The following GLB1L3 variants were observed in gnomAD, a reference collection of about 807,000 sequenced individuals.
GLB1L3 encodes beta-galactosidase-1-like protein 3.
In GLB1L3, 89 loss-of-function variants were observed where a neutral mutation model predicts 89.5. The ratio of observed to expected loss-of-function variants is 0.99; its 90% CI spans 0.84 to 1.19. The LOEUF is 1.19. Among genes scored for constraint, GLB1L3 ranks in the 50% most tolerant of loss-of-function variants. GLB1L3 has a pLI of 0.00. For missense variants in GLB1L3, 812 were observed against 813.3 expected, an observed-to-expected ratio of 1.00 and a Z score of 0.02; for synonymous variants, 314 against 312.3, an observed-to-expected ratio of 1.01 and a Z score of -0.06.
chr11:134,281,306 T>TG, intron 3 of GLB1L3, 71 bp from the exon 4 acceptor site: 1 of 1,581,058 alleles, frequency 6.3e-7, no homozygotes, highest in Middle Eastern at 1.7e-4. Flanking sequence ...GGCTTGGATT[T>TG]GGGGCAGACC....
intron 6 of GLB1L3, among the ~76,000 whole-genome samples, chr11:134,284,331 C>T (rs982588804): frequency 6.6e-6 from 1 of 151,802 alleles, no homozygotes; most frequent in Non-Finnish European, 1.5e-5. Context: ...CTATGCCTCT[C>T]AGGCATTTTT....
At chr11:134,312,034 T>C (rs768617227) in intron 13 of GLB1L3, 19 of 233,052 alleles carry the variant, frequency 8.2e-5, no homozygotes, top group Non-Finnish European at 1.3e-4. Flanking sequence ...TGGCCTCAAG[T>C]GATGCACCTG....
At chr11:134,279,049 C>T (rs551437259) in intron 3 of GLB1L3, among the ~76,000 whole-genome samples, 4 of 152,228 alleles carry the variant, frequency 2.6e-5, no homozygotes, top group South Asian at 2.1e-4. Flanking sequence ...ATAAGCAAAA[C>T]GGATTTAAAA....
At chr11:134,293,584 A>G (rs1355942773) in intron 9 of GLB1L3, among the ~76,000 whole-genome samples, 1 of 152,078 alleles carries the variant, frequency 6.6e-6, no homozygotes, top group Non-Finnish European at 1.5e-5. Flanking sequence ...CTTACATATT[A>G]TCAGAAGGGA....
chr11:134,281,555 C>T (rs1402159667), intron 4 of GLB1L3, 110 bp downstream of exon 4: 6 of 1,135,294 alleles, frequency 5.3e-6, no homozygotes, highest in Non-Finnish European at 8.0e-6. Flanking sequence ...GGTCTGGAGT[C>T]CTGTTCTAGG....
rs772835815 is a variant in GLB1L3, at chr11:134,309,675, T to A, written c.1011T>A (p.Asn337Lys). Reference protein sequence around the residue: ...SEFIKYEISFNVYMFHGGTNF... With the variant: ...SEFIKYEISFKVYMFHGGTNF... ...TCATCAAATATGAGATCTCCTTCAA[T>A]GTATATATGTTCCATGGTGGAACCA... The change falls in exon 11 of 20, where the codon AAT (asparagine) becomes AAA (lysine). Residue 337 changes from asparagine (N) to lysine (K), a missense_variant. This residue lies in a region of GLB1L3 where 618 missense variants were observed against 604.0 expected (regional missense o/e 1.02). Transcript: ENST00000431683. 3 of 1,612,426 alleles carry A rather than the reference T, an allele frequency of 1.9e-6. No individual in the cohort carries two copies. The African/African-American group carries it at 4.0e-5, about 22-fold the overall frequency.
At chr11:134,316,408 A>C (rs1384827715) in intron 18 of GLB1L3, among the ~76,000 whole-genome samples, 2 of 152,192 alleles carry the variant, frequency 1.3e-5, no homozygotes, top group Non-Finnish European at 2.9e-5. Context: ...TTGTAAGACA[A>C]GCGATGTCTA....
intron 1 of GLB1L3, 98 bp downstream of exon 1, chr11:134,276,861 A>C: frequency 2.7e-6 from 3 of 1,096,190 alleles, no homozygotes; most frequent in Non-Finnish European, 2.3e-6. Context: ...CACGCGCCCC[A>C]GGCACGCGCC....
intron 14 of GLB1L3, 82 bp downstream of exon 14, chr11:134,312,571 G>C: frequency 6.6e-7 from 1 of 1,514,750 alleles, no homozygotes. Flanking sequence ...ACTGAAGGAT[G>C]CACGTTGCTG....
intron 6 of GLB1L3, among the ~76,000 whole-genome samples, chr11:134,288,380 C>T (rs1460845226): frequency 1.3e-5 from 2 of 152,040 alleles, no homozygotes; most frequent in Non-Finnish European, 2.9e-5. Context: ...GTCAAAGGCA[C>T]GGAGGGGAGA....
downstream of GLB1L3, among the ~76,000 whole-genome samples, chr11:134,323,862 ATAAAG>A (rs1306187399): frequency 3.9e-5 from 6 of 152,164 alleles, no homozygotes; most frequent in Non-Finnish European, 8.8e-5. Context: ...AACGTCTTGC[ATAAAG>A]TAAAGAGACA....
chr11:134,309,927 TGCCCCAACAG>T, intron 11 of GLB1L3, 164 bp downstream of exon 11: 2 of 747,182 alleles, frequency 2.7e-6, no homozygotes, highest in South Asian at 3.8e-5. Flanking sequence ...ATGTTCATAA[TGCCCCAACAG>T]GCTGTCATTG....
intron 5 of GLB1L3, 76 bp from the exon 6 acceptor site, chr11:134,283,661 G>C: frequency 1.3e-6 from 1 of 768,096 alleles, no homozygotes; most frequent in Non-Finnish European, 2.2e-6. Flanking sequence ...GCGGCGAGCC[G>C]GGGCAGCTCT....
In GLB1L3 at chr11:134,308,664, CCACCACCACCAA is replaced by C. The variant is rs1332953621; in HGVS notation, c.962-950_962-939del. On this transcript the variant is annotated intron_variant, in intron 10 of 19. Transcript: ENST00000431683. ...ACCATCACCACCATCATCACCACCACCACCACCACCAACACCACCACCACCACTACCAAATAA... is the reference window on the plus strand; with the variant it reads ...ACCATCACCACCATCATCACCACCACCACCACCACCACCACTACCAAATAA... Among the ~76,000 whole-genome samples the C allele has an allele frequency of 4.0e-5, 6 of 150,164 alleles. No homozygotes were observed. In the South Asian group the frequency reaches 6.3e-4, roughly 16 times the overall value.
At chr11:134,296,026 C>A (rs973978429) in intron 9 of GLB1L3, among the ~76,000 whole-genome samples, 5 of 152,064 alleles carry the variant, frequency 3.3e-5, no homozygotes, top group Non-Finnish European at 7.3e-5. Flanking sequence ...TTTCATGGAT[C>A]ATAATATGGT....
chr11:134,308,196 TCACCACTACCACCAC>T (rs1942315931), intron 10 of GLB1L3, among the ~76,000 whole-genome samples: 1 of 68,872 alleles, frequency 1.5e-5, no homozygotes, highest in African/African-American at 8.3e-5. Context: ...ATCATCACCA[TCACCACTACCACCAC>T]CACCATCACC....
intron 8 of GLB1L3, chr11:134,292,755 G>A (rs1427867629): frequency 2.4e-5 from 8 of 340,186 alleles, no homozygotes; most frequent in South Asian, 6.1e-5. Flanking sequence ...GCAGGGGAGC[G>A]GGGCGAGCTG....
At chr11:134,294,719 A>T (rs1438806508) in intron 9 of GLB1L3, among the ~76,000 whole-genome samples, 1 of 152,138 alleles carries the variant, frequency 6.6e-6, no homozygotes, top group African/African-American at 2.4e-5. Context: ...CGTTTCACAT[A>T]AGCGCGCTCA....
intron 11 of GLB1L3, 95 bp from the exon 12 acceptor site, chr11:134,310,472 TCTCA>T (rs894553768): frequency 9.7e-6 from 8 of 821,286 alleles, no homozygotes; most frequent in African/African-American, 3.4e-5. Flanking sequence ...CTTCCTTTTG[TCTCA>T]CTCACGGTGG....
Sources: gnomAD v4.1 joint callset for allele counts (sites outside exome capture counted in the v4.1 genomes callset) on GRCh38, gnomAD v4.1.1 for gene constraint, gnomAD v4.1.1 regional missense constraint, MANE v1.5 for transcripts, NCBI Gene and HGNC (gene_info 2026-07-23, HGNC 2026-07-21) for gene names.